Variants in MEGF10 observed in about 807,000 individuals in gnomAD.
MEGF10 encodes multiple epidermal growth factor-like domains protein 10.
Under a neutral mutation model 147.5 loss-of-function variants are expected in MEGF10, and 86 were observed. That is an observed-to-expected ratio of 0.58 (90% CI 0.49 to 0.70). The LOEUF (loss-of-function observed/expected upper bound fraction) is 0.70, where lower values mean the gene tolerates loss of function less well. Ranked by LOEUF, MEGF10 falls within the 30% of genes least tolerant of loss-of-function variation. MEGF10 has a pLI of 0.00. For synonymous variants in MEGF10, 478 were observed against 525.5 expected, an observed-to-expected ratio of 0.91 and a Z score of 1.24; for missense variants, 1,329 against 1,487.3, an observed-to-expected ratio of 0.89 and a Z score of 1.75.
chr5:127,435,455 T>C lies in MEGF10; in HGVS notation c.2070T>C (p.Cys690=). The C allele has an allele frequency of 6.2e-7, 1 of 1,614,106 alleles. No individual in the cohort carries two copies. Among genetic ancestry groups the C allele is most frequent in the South Asian group, 1.1e-5 (1 of 91,070 alleles). Residue 690 remains cysteine, a synonymous_variant, in exon 16 of 25, where the codon TGT becomes TGC. Coordinates refer to ENST00000503335, the MANE Select transcript of MEGF10 (RefSeq NM_001256545.2). ...TCNPIDRSCQ[C]YPGWIGSDCS... ...ACCCCATTGACAGATCTTGTCAGTG[T>C]TACCCCGGTTGGATTGGCAGTGACT...
At chr5:127,322,067 G>A (rs866809944) in intron 1 of MEGF10, among the ~76,000 whole-genome samples, 9 of 109,882 alleles carry the variant, frequency 8.2e-5, no homozygotes, top group Non-Finnish European at 1.6e-4. Flanking sequence ...TTCAATTAGC[G>A]CTTTTGCAAA....
At chr5:127,259,986 G>A in the MEGF10 span, among the ~76,000 whole-genome samples, 8 of 151,826 alleles carry the variant, frequency 5.3e-5, no homozygotes, top group African/African-American at 1.9e-4. Context: ...GTGAAACCCT[G>A]TCTCTACTAA....
chr5:127,301,610 G>A (rs1272968816), intron 1 of MEGF10, among the ~76,000 whole-genome samples: 2 of 152,078 alleles, frequency 1.3e-5, no homozygotes, highest in African/African-American at 4.8e-5. Context: ...TACTGTATGA[G>A]GTATGACAAA....
intron 12 of MEGF10, among the ~76,000 whole-genome samples, chr5:127,421,946 G>A (rs369672251): frequency 1.5e-5 from 2 of 131,634 alleles, no homozygotes; most frequent in African/African-American, 5.9e-5. Flanking sequence ...CCGAGATAGC[G>A]CCACTGCCGT....
intron 5 of MEGF10, among the ~76,000 whole-genome samples, chr5:127,387,796 A>G (rs185335701): frequency 1.2e-4 from 18 of 152,368 alleles, no homozygotes; most frequent in African/African-American, 4.3e-4. Context: ...AATGTCCCTC[A>G]TAATGTAATA....
intron 8 of MEGF10, among the ~76,000 whole-genome samples, chr5:127,406,957 G>C (rs1764356418): frequency 6.6e-6 from 1 of 152,176 alleles, no homozygotes; most frequent in Non-Finnish European, 1.5e-5. Flanking sequence ...GTATTAGCTG[G>C]ATGAAGGGAT....
the MEGF10 span, among the ~76,000 whole-genome samples, chr5:127,266,539 C>A: frequency 2.0e-5 from 3 of 152,276 alleles, no homozygotes; most frequent in East Asian, 1.9e-4. Flanking sequence ...AATATTGATT[C>A]TTCCTATCCA....
chr5:127,283,965 A>T, the MEGF10 span, among the ~76,000 whole-genome samples: 1 of 152,224 alleles, frequency 6.6e-6, no homozygotes, highest in Non-Finnish European at 1.5e-5. Context: ...CCCCTTTCAA[A>T]GTAAGAATAC....
the MEGF10 span, among the ~76,000 whole-genome samples, chr5:127,258,834 A>G: frequency 6.6e-6 from 1 of 152,114 alleles, no homozygotes; most frequent in Non-Finnish European, 1.5e-5. Flanking sequence ...TTGATCTTGA[A>G]CTTCCCAGCC....
intron 2 of MEGF10, among the ~76,000 whole-genome samples, chr5:127,338,073 C>T (rs181773101): frequency 9.9e-4 from 150 of 152,204 alleles, no homozygotes; most frequent in African/African-American, 3.5e-3. Flanking sequence ...GTGAGGCTAG[C>T]ACCACATAGC....
chr5:127,301,228 A>C (rs1412298784), intron 1 of MEGF10, among the ~76,000 whole-genome samples: 1 of 152,180 alleles, frequency 6.6e-6, no homozygotes, highest in East Asian at 1.9e-4. Flanking sequence ...CCAGTCCCAG[A>C]ACAACCTGTC....
chr5:127,289,920 A>G (rs1004113572), upstream of MEGF10, among the ~76,000 whole-genome samples: 5 of 152,160 alleles, frequency 3.3e-5, no homozygotes, highest in Non-Finnish European at 7.4e-5. Context: ...AGAACTTTGC[A>G]GCAGTCAAAT....
chr5:127,247,444 A>G, the MEGF10 span, among the ~76,000 whole-genome samples: 149 of 118,854 alleles, frequency 1.3e-3, 25 homozygotes, highest in Middle Eastern at 8.5e-3. Flanking sequence ...GAAGAAGAAG[A>G]AGAAGAAGAA....
chr5:127,360,999 T>C (rs553000650), intron 4 of MEGF10, among the ~76,000 whole-genome samples: 1 of 152,136 alleles, frequency 6.6e-6, no homozygotes, highest in East Asian at 1.9e-4. Flanking sequence ...TTGTAGTTTG[T>C]TTCTTTCTTA....
chr5:127,255,237 C>T, the MEGF10 span, among the ~76,000 whole-genome samples: 1 of 152,040 alleles, frequency 6.6e-6, no homozygotes, highest in Non-Finnish European at 1.5e-5. Flanking sequence ...TTAGGTTTTA[C>T]AATAGTGATG....
intron 15 of MEGF10, 89 bp from the exon 16 acceptor site, chr5:127,435,272 G>A (rs1000985999): frequency 1.3e-6 from 2 of 1,500,798 alleles, no homozygotes; most frequent in African/African-American, 2.8e-5. Flanking sequence ...CTGGGCCTGT[G>A]ACCTTTAAAG....
chr5:127,306,945 A>AT (rs554661868), intron 1 of MEGF10, among the ~76,000 whole-genome samples: 6 of 152,262 alleles, frequency 3.9e-5, no homozygotes, highest in East Asian at 1.9e-4. Flanking sequence ...ACTTGAGGTA[A>AT]TTTTTTTAAT....
chr5:127,413,179 G>T (rs1470924550), intron 9 of MEGF10, among the ~76,000 whole-genome samples: 1 of 152,106 alleles, frequency 6.6e-6, no homozygotes, highest in Non-Finnish European at 1.5e-5. Context: ...ATATTTATAA[G>T]TAATATTAGT....
intron 7 of MEGF10, among the ~76,000 whole-genome samples, chr5:127,400,234 A>T (rs955546807): frequency 1.3e-5 from 2 of 152,260 alleles, no homozygotes; most frequent in African/African-American, 4.8e-5. Context: ...GAGCCAAAGC[A>T]TGGAGAAACA....
Sources: gnomAD v4.1 joint callset for allele counts (sites outside exome capture counted in the v4.1 genomes callset) on GRCh38, gnomAD v4.1.1 for gene constraint, MANE v1.5 for transcripts, NCBI Gene and HGNC (gene_info 2026-07-23, HGNC 2026-07-21) for gene names.